The following DTD1 variants were observed in gnomAD, a reference collection of about 807,000 sequenced individuals.
DTD1 encodes the protein D-tyrosyl-tRNA deacylase 1 homolog.
Under a neutral mutation model 25.6 loss-of-function variants are expected in DTD1, and 13 were observed. The ratio of observed to expected loss-of-function variants is 0.51; its 90% CI spans 0.33 to 0.81. DTD1 has a LOEUF of 0.81. DTD1 is among the 30% of genes least tolerant of loss of function. The pLI, the probability that DTD1 is intolerant of heterozygous loss-of-function variation, is 0.02. For missense variants in DTD1, 193 were observed against 266.4 expected, an observed-to-expected ratio of 0.72 and a Z score of 1.92; for synonymous variants, 110 against 103.6, an observed-to-expected ratio of 1.06 and a Z score of -0.37.
At chr20:18,608,671 C>G (rs562199637) in intron 3 of DTD1, among the ~76,000 whole-genome samples, 176 of 152,162 alleles carry the variant, frequency 1.2e-3, no homozygotes, top group Non-Finnish European at 2.1e-3. Flanking sequence ...CTTAACAATT[C>G]GGACCAGCCA....
chr20:18,632,299 GCA>G lies in DTD1; in HGVS notation c.477+4067_477+4068del, dbSNP rs560576943. 1,868 of 985,352 alleles carry G rather than the reference GCA, an allele frequency of 1.9e-3. 3 individuals carry two copies. The highest frequency in any genetic ancestry group is 2.1e-3 in the Non-Finnish European group (1,752 of 829,904). The allele number at this position is 985,352 out of a possible 1,614,324, so 61.0% of individuals were successfully genotyped here. A position where few individuals can be genotyped will look rare whatever the true frequency, so the allele number is the denominator to read the frequency against. On this transcript the variant is annotated intron_variant, in intron 4 of 5. Coordinates refer to ENST00000377452, the MANE Select transcript of DTD1 (RefSeq NM_080820.6). ...TCTCCTCAAATACACAAATTGTCTT[GCA>G]TCAACTTCATTTACATGGACCAGTT...
At chr20:18,706,685 G>C (rs1600381734) in intron 4 of DTD1, among the ~76,000 whole-genome samples, 1 of 152,284 alleles carries the variant, frequency 6.6e-6, no homozygotes, top group Middle Eastern at 3.4e-3. Flanking sequence ...AAATAGCACA[G>C]AAAATGACCT....
chr20:18,637,405 T>A (rs2060811472), intron 4 of DTD1, among the ~76,000 whole-genome samples: 1 of 152,232 alleles, frequency 6.6e-6, no homozygotes, highest in Non-Finnish European at 1.5e-5. Context: ...TGACTGATGA[T>A]CAGCCGCTCT....
chr20:18,646,583 C>T (rs976216352), intron 4 of DTD1, among the ~76,000 whole-genome samples: 1 of 152,158 alleles, frequency 6.6e-6, no homozygotes, highest in Non-Finnish European at 1.5e-5. Context: ...TGACTTTGGT[C>T]ACATCACAGA....
intron 5 of DTD1, 134 bp downstream of exon 5, chr20:18,744,405 C>T: frequency 1.0e-6 from 1 of 969,902 alleles, no homozygotes; most frequent in Non-Finnish European, 1.5e-6. Flanking sequence ...CTGCTGCCTT[C>T]CAGGATGGAG....
intron 4 of DTD1, among the ~76,000 whole-genome samples, chr20:18,708,156 CATGT>C (rs145443773): frequency 0.23 from 19,009 of 82,162 alleles, 4,598 homozygotes; most frequent in Middle Eastern, 0.29. Flanking sequence ...TAATTATTAA[CATGT>C]GTGTGTGTGT....
intron 4 of DTD1, among the ~76,000 whole-genome samples, chr20:18,718,676 CTAATA>C (rs1271249021): frequency 6.6e-6 from 1 of 152,140 alleles, no homozygotes; most frequent in Non-Finnish European, 1.5e-5. Flanking sequence ...ATGGTTCTAT[CTAATA>C]TAATGTTATA....
chr20:18,625,937 C>T (rs1474735787), intron 3 of DTD1, among the ~76,000 whole-genome samples: 2 of 152,244 alleles, frequency 1.3e-5, no homozygotes, highest in African/African-American at 4.8e-5. Flanking sequence ...CCATTCATGG[C>T]CACACAGGGC....
chr20:18,726,314 G>A (rs1217415251), intron 4 of DTD1, among the ~76,000 whole-genome samples: 1 of 152,156 alleles, frequency 6.6e-6, no homozygotes, highest in Admixed American at 6.6e-5. Flanking sequence ...GAATGTTCCT[G>A]ATCTTGATTT....
intron 4 of DTD1, among the ~76,000 whole-genome samples, chr20:18,664,964 G>C (rs1031653934): frequency 6.6e-6 from 1 of 152,072 alleles, no homozygotes; most frequent in African/African-American, 2.4e-5. Context: ...ATAAGCCAGT[G>C]GTCTCTAGTG....
intron 4 of DTD1, among the ~76,000 whole-genome samples, chr20:18,678,448 T>C (rs2060984359): frequency 6.6e-6 from 1 of 152,200 alleles, no homozygotes; most frequent in African/African-American, 2.4e-5. Context: ...CACATCTCAC[T>C]GGACATGTAG....
chr20:18,658,225 G>C (rs1393660469), intron 4 of DTD1, among the ~76,000 whole-genome samples: 1 of 144,526 alleles, frequency 6.9e-6, no homozygotes, highest in Non-Finnish European at 1.6e-5. Context: ...GTGTGTGTGT[G>C]TGTTTCCCCC....
intron 5 of DTD1, 28 bp from the exon 6 acceptor site, chr20:18,763,332 A>C (rs1263761205): frequency 6.6e-6 from 1 of 152,670 alleles, no homozygotes; most frequent in Non-Finnish European, 1.5e-5. Flanking sequence ...AATCCTTCTT[A>C]ATAACGTGTC....
chr20:18,595,355 C>T lies in DTD1; in HGVS notation c.135-651C>T, dbSNP rs28479314. ...AATCTTAGCTTACTGCAATCTCTGC[C>T]TCCCTGGTTCAAGCGATTTTTGTGC... On this transcript the variant is annotated intron_variant, in intron 2 of 5. Coordinates refer to ENST00000377452, the MANE Select transcript of DTD1 (RefSeq NM_080820.6). Among the ~76,000 whole-genome samples, 1,339 of 152,178 alleles carry T rather than the reference C, an allele frequency of 8.8e-3. 20 individuals are homozygous for T. Among genetic ancestry groups the T allele is most frequent in the African/African-American group, 0.031 (1,276 of 41,496 alleles).
At position 18,702,274 on chromosome 20, in the gene DTD1, G is replaced by T. The variant is rs182830363; in HGVS notation, c.478-41826G>T. The stretch of plus-strand genomic sequence containing the variant: ...ATCCACAACTGTGTATGGTACTCCC[G>T]CCCCCTTCCCTCCATCTCTGTAATA... On this transcript the variant is annotated intron_variant, in intron 4 of 5. Coordinates refer to ENST00000377452, the MANE Select transcript of DTD1 (RefSeq NM_080820.6). Among the ~76,000 whole-genome samples the T allele has an allele frequency of 3.7e-4, 56 of 152,148 alleles. No individual in the cohort carries two copies. In the East Asian group the frequency reaches 6.6e-3, roughly 18 times the overall value.
intron 4 of DTD1, among the ~76,000 whole-genome samples, chr20:18,708,213 T>G (rs1183148551): frequency 2.9e-4 from 3 of 10,512 alleles, no homozygotes; most frequent in Non-Finnish European, 1.1e-3. Context: ...ATATTTTATA[T>G]ATATAATATA....
chr20:18,628,324 A>G, intron 4 of DTD1, 91 bp downstream of exon 4: 2 of 954,286 alleles, frequency 2.1e-6, no homozygotes. Flanking sequence ...GAGGAAATAC[A>G]TCATTGTTGC....
chr20:18,705,636 G>A (rs1183934395), intron 4 of DTD1, among the ~76,000 whole-genome samples: 1 of 151,784 alleles, frequency 6.6e-6, no homozygotes, highest in African/African-American at 2.4e-5. Flanking sequence ...GAGCTCAGAG[G>A]CAGAGGCCTC....
intron 4 of DTD1, among the ~76,000 whole-genome samples, chr20:18,638,265 A>G (rs1446894049): frequency 6.6e-6 from 1 of 152,066 alleles, no homozygotes; most frequent in African/African-American, 2.4e-5. Context: ...ACCTTTATCC[A>G]GCAGATTATT....
Sources: allele counts gnomAD v4.1 joint callset (sites outside exome capture counted in the v4.1 genomes callset), GRCh38; gene constraint gnomAD v4.1.1; transcripts MANE v1.5; gene names NCBI Gene and HGNC (gene_info 2026-07-23, HGNC 2026-07-21).